Variants in TG observed in about 807,000 individuals in gnomAD.
TG encodes the protein thyroid hormones.
TG carries 270 observed loss-of-function variants against 324.7 expected under a neutral mutation model. The ratio of observed to expected loss-of-function variants is 0.83; its 90% CI spans 0.75 to 0.92. TG has a LOEUF of 0.92. Ranked by LOEUF, TG falls within the 40% of genes least tolerant of loss-of-function variation. The pLI, the probability that TG is intolerant of heterozygous loss-of-function variation, is 0.00. For missense variants in TG, 3,591 were observed against 3,456.4 expected (o/e 1.04, Z -0.98); for synonymous variants, 1,401 against 1,327.0 (o/e 1.06, Z -1.21).
intron 34 of TG, among the ~76,000 whole-genome samples, chr8:132,973,063 T>C (rs1320388567): frequency 1.3e-5 from 2 of 152,176 alleles, no homozygotes; most frequent in Non-Finnish European, 2.9e-5. Flanking sequence ...TTAGTGGTTA[T>C]ATTCAACCTT....
chr8:133,102,395 C>T, intron 43 of TG: 1 of 613,462 alleles, frequency 1.6e-6, no homozygotes, highest in Middle Eastern at 4.5e-4. Context: ...CCTGGAGCTA[C>T]TCACCACCAG....
chr8:133,071,666 C>T (rs1844060963), intron 41 of TG, among the ~76,000 whole-genome samples: 3 of 151,902 alleles, frequency 2.0e-5, no homozygotes, highest in Admixed American at 1.3e-4. Context: ...GGGGAGGAGG[C>T]GCACCTGCAA....
intron 41 of TG, among the ~76,000 whole-genome samples, chr8:133,034,807 C>T (rs1317462054): frequency 6.6e-6 from 1 of 152,090 alleles, no homozygotes; most frequent in African/African-American, 2.4e-5. Context: ...CCAGGGCTTC[C>T]AGATAGTAGG....
rs748737620 is a variant in TG, at chr8:132,908,267, A to G, written c.3929A>G (p.Tyr1310Cys). 7 of 1,613,904 alleles carry G rather than the reference A, an allele frequency of 4.3e-6. No homozygotes were observed. In the East Asian group the frequency reaches 6.7e-5, roughly 15 times the overall value. The change falls in exon 18 of 48, where the codon TAC becomes TGC. Residue 1310 changes from tyrosine to cysteine, a missense_variant. Coordinates refer to ENST00000220616, the MANE Select transcript of TG (RefSeq NM_003235.5). ...LPPGKMCSAD[Y>C]ADLLQTFQVF... The stretch of plus-strand genomic sequence containing the variant: ...CCGGGCAAGATGTGCAGTGCTGACT[A>G]CGCGGATTTGCTGCAGACTTTCCAG...
chr8:132,929,028 G>T, intron 22 of TG, 48 bp from the exon 23 acceptor site: 1 of 1,488,352 alleles, frequency 6.7e-7, no homozygotes, highest in South Asian at 1.1e-5. Context: ...CTCTGCAGAT[G>T]CCCTACACCC....
chr8:133,049,077 G>A (rs781074081), intron 41 of TG: 4 of 441,436 alleles, frequency 9.1e-6, no homozygotes, highest in Non-Finnish European at 1.4e-5. Context: ...AGGAGGTGAA[G>A]CGACTTTTAC....
chr8:133,070,940 C>A (rs1321583315), intron 41 of TG, among the ~76,000 whole-genome samples: 2 of 152,196 alleles, frequency 1.3e-5, no homozygotes, highest in African/African-American at 4.8e-5. Context: ...CAATTGTTTC[C>A]CCTAATTTTA....
rs577354103 is a variant in TG, at chr8:132,867,041, T to C, written c.41T>C (p.Ile14Thr). The change falls in exon 1 of 48, where the codon ATC becomes ACC. Residue 14 changes from isoleucine to threonine, a missense_variant. Coordinates refer to ENST00000220616, the MANE Select transcript of TG (RefSeq NM_003235.5). ...VLEIFTLLAS[I>T]CWVSANIFEY... ...GAGATCTTCACCCTGCTGGCCTCCA[T>C]CTGCTGGGTGTCGGCCAATATCTTC... 1.9e-6 allele frequency: 3 copies of C among 1,601,908 alleles called. No homozygotes were observed. The highest frequency in any genetic ancestry group is 2.3e-5 in the South Asian group (2 of 88,766).
At chr8:133,100,983 G>T (rs1242562386) in intron 43 of TG, among the ~76,000 whole-genome samples, 4 of 152,104 alleles carry the variant, frequency 2.6e-5, no homozygotes, top group African/African-American at 9.7e-5. Flanking sequence ...GGAAAGAAAG[G>T]CTTAGTGAGG....
chr8:132,885,458 C>A lies in TG; in HGVS notation c.1076-990C>A, dbSNP rs957496561. On this transcript the variant is annotated intron_variant, in intron 8 of 47. Transcript: ENST00000220616. ...ATTTCCTATATTATAATATATATTA[C>A]AATATAGGAAAATATTTCTTATAAT... Among the ~76,000 whole-genome samples the A allele has an allele frequency of 4.0e-5, 6 of 151,388 alleles. No homozygotes were observed. The South Asian group carries it at 1.2e-3, about 31-fold the overall frequency.
intron 35 of TG, among the ~76,000 whole-genome samples, chr8:132,992,073 G>A (rs1832411311): frequency 6.6e-6 from 1 of 152,102 alleles, no homozygotes; most frequent in East Asian, 1.9e-4. Context: ...CTCAGTTATG[G>A]TTTCATCTGC....
At chr8:132,899,914 T>G (rs1166028895) in intron 14 of TG, among the ~76,000 whole-genome samples, 2 of 152,246 alleles carry the variant, frequency 1.3e-5, no homozygotes, top group Admixed American at 1.3e-4. Flanking sequence ...TCTAGATGGG[T>G]TTGGGCCTGG....
chr8:133,102,029 A>G (rs1849322073), intron 43 of TG, among the ~76,000 whole-genome samples: 3 of 152,240 alleles, frequency 2.0e-5, no homozygotes, highest in African/African-American at 7.2e-5. Context: ...CCTCATAAAG[A>G]TGTTCAAAAA....
chr8:133,019,060 G>C (rs1462445905), intron 38 of TG, among the ~76,000 whole-genome samples: 1 of 152,246 alleles, frequency 6.6e-6, no homozygotes. Context: ...GTGGAGAGTA[G>C]TTGAGAGCTT....
chr8:133,027,626 G>A (rs962607050), intron 40 of TG, among the ~76,000 whole-genome samples: 10 of 152,304 alleles, frequency 6.6e-5, no homozygotes, highest in East Asian at 1.9e-4. Context: ...TGATGCAGTA[G>A]GAATGAGGGA....
intron 41 of TG, chr8:133,047,674 C>T (rs1181064385): frequency 4.6e-6 from 3 of 649,212 alleles, no homozygotes; most frequent in Admixed American, 2.2e-5. Flanking sequence ...CCCCACTGGC[C>T]TCCCCAGCAG....
intron 9 of TG, 113 bp from the exon 10 acceptor site, chr8:132,887,871 C>A: frequency 9.7e-7 from 1 of 1,030,844 alleles, no homozygotes. Context: ...CATGGTATTT[C>A]TATGGCTATA....
chr8:133,028,365 A>T (rs1836301121), intron 40 of TG, among the ~76,000 whole-genome samples: 1 of 152,208 alleles, frequency 6.6e-6, no homozygotes, highest in Non-Finnish European at 1.5e-5. Flanking sequence ...CAGAACACAA[A>T]ATGCATTTGA....
At chr8:132,921,442 T>C (rs980299748) in intron 21 of TG, among the ~76,000 whole-genome samples, 1 of 152,226 alleles carries the variant, frequency 6.6e-6, no homozygotes, top group African/African-American at 2.4e-5. Flanking sequence ...GAGTCTGTGC[T>C]AAGGATCTGT....
Sources: allele counts gnomAD v4.1 joint callset (sites outside exome capture counted in the v4.1 genomes callset), GRCh38; gene constraint gnomAD v4.1.1; transcripts MANE v1.5; gene names NCBI Gene and HGNC (gene_info 2026-07-23, HGNC 2026-07-21).